Variants in KYNU observed in about 807,000 individuals in gnomAD.
The protein encoded by KYNU is kynureninase, also known as L-kynurenine hydrolase.
KYNU carries 54 observed loss-of-function variants against 59.2 expected under a neutral mutation model. The observed-to-expected ratio is 0.91, with a 90% CI of 0.73 to 1.14. KYNU has a LOEUF of 1.14. KYNU is among the 50% of genes most tolerant of loss of function. The pLI is 0.00. For missense variants in KYNU, 567 were observed against 554.4 expected (o/e 1.02, Z -0.23); for synonymous variants, 177 against 192.0 (o/e 0.92, Z 0.65).
chr2:142,968,095 G>A (rs1684604564), intron 8 of KYNU, among the ~76,000 whole-genome samples: 1 of 152,174 alleles, frequency 6.6e-6, no homozygotes, highest in Non-Finnish European at 1.5e-5. Flanking sequence ...GGATCTTAGT[G>A]TATAAGAAGA....
intron 4 of KYNU, among the ~76,000 whole-genome samples, chr2:142,946,413 T>C (rs879260355): frequency 6.6e-6 from 1 of 152,168 alleles, no homozygotes; most frequent in Non-Finnish European, 1.5e-5. Context: ...AAGTCAAAAT[T>C]ACTCCATGAT....
chr2:142,956,133 G>A, intron 5 of KYNU, 70 bp from the exon 6 acceptor site: 2 of 852,890 alleles, frequency 2.3e-6, no homozygotes, highest in East Asian at 2.5e-5. Context: ...TAAAATGATA[G>A]TGTGACATAA....
chr2:142,947,529 G>A (rs1683831933), intron 4 of KYNU: 1 of 202,874 alleles, frequency 4.9e-6, no homozygotes, highest in Admixed American at 5.4e-5. Flanking sequence ...CCTTGAATGG[G>A]CCCAAAACTT....
intron 2 of KYNU, among the ~76,000 whole-genome samples, chr2:142,897,547 A>T (rs77619379): frequency 0.026 from 4,024 of 152,288 alleles, 173 homozygotes; most frequent in Admixed American, 0.11. Context: ...AGATCCAAAT[A>T]ATCAAAGCAC....
chr2:142,943,236 C>T (rs930212953), intron 4 of KYNU, among the ~76,000 whole-genome samples: 1 of 152,112 alleles, frequency 6.6e-6, no homozygotes, highest in African/African-American at 2.4e-5. Flanking sequence ...ACTGTAACAC[C>T]AGGTTGTCTA....
intron 10 of KYNU, among the ~76,000 whole-genome samples, chr2:143,027,526 C>T (rs1686611261): frequency 6.6e-6 from 1 of 152,122 alleles, no homozygotes; most frequent in Non-Finnish European, 1.5e-5. Context: ...CTGCCTGTCC[C>T]TGCTCTGTAG....
Position 143,043,772 on chromosome 2 carries a change from T to A in KYNU, c.*1600T>A, listed in dbSNP as rs1325760397. On this transcript the variant is annotated 3_prime_UTR_variant, in exon 14 of 14. Transcript: ENST00000264170. ...CTTTATATATATTTATATTTATATA[T>A]TTATATATTTATATTTTAATATATT... The A allele has an allele frequency of 6.8e-6, 1 of 146,910 alleles. No homozygotes were observed. Among genetic ancestry groups the A allele is most frequent in the Non-Finnish European group, 1.5e-5 (1 of 66,884 alleles). 9.1% of individuals were successfully genotyped at this position (146,910 alleles called of 1,614,324 possible). A position where few individuals can be genotyped will look rare whatever the true frequency, so the allele number is the denominator to read the frequency against.
At chr2:142,975,835 A>G (rs1170575223) in intron 8 of KYNU, among the ~76,000 whole-genome samples, 1 of 152,152 alleles carries the variant, frequency 6.6e-6, no homozygotes. Context: ...CTACGTAAAC[A>G]TGTTTACTCT....
At chr2:142,901,740 C>T (rs1210431963) in intron 2 of KYNU, among the ~76,000 whole-genome samples, 2 of 152,018 alleles carry the variant, frequency 1.3e-5, no homozygotes, top group African/African-American at 4.8e-5. Context: ...TTAGTTCTGC[C>T]AGCCGAGAGC....
At chr2:143,019,101 C>G (rs1486454746) in intron 10 of KYNU, among the ~76,000 whole-genome samples, 1 of 152,092 alleles carries the variant, frequency 6.6e-6, no homozygotes, top group East Asian at 1.9e-4. Flanking sequence ...TTAACTTCTT[C>G]TTTTCCTGTC....
intron 2 of KYNU, among the ~76,000 whole-genome samples, chr2:142,889,100 G>T (rs1681616330): frequency 1.3e-5 from 2 of 151,816 alleles, no homozygotes; most frequent in South Asian, 4.2e-4. Context: ...ACCAACTCAG[G>T]AGCACATGAT....
At chr2:142,911,636 G>A (rs978765622) in intron 2 of KYNU, among the ~76,000 whole-genome samples, 6 of 152,082 alleles carry the variant, frequency 3.9e-5, no homozygotes, top group African/African-American at 1.4e-4. Flanking sequence ...TTCTTAAGGA[G>A]AATACCTCCA....
At chr2:142,908,230 T>A (rs935594249) in intron 2 of KYNU, among the ~76,000 whole-genome samples, 1 of 152,196 alleles carries the variant, frequency 6.6e-6, no homozygotes, top group Non-Finnish European at 1.5e-5. Context: ...ATTTTCTGTA[T>A]GTTTCATCTG....
intron 11 of KYNU, among the ~76,000 whole-genome samples, chr2:143,030,329 A>C (rs958252846): frequency 3.3e-5 from 5 of 152,176 alleles, no homozygotes; most frequent in Admixed American, 2.6e-4. Flanking sequence ...TACCATGCAG[A>C]GCTTCCTTTT....
chr2:142,965,475 C>G (rs1203793284), intron 8 of KYNU, among the ~76,000 whole-genome samples: 1 of 152,140 alleles, frequency 6.6e-6, no homozygotes, highest in Admixed American at 6.6e-5. Flanking sequence ...CACTCAGCAA[C>G]TCAATTATGT....
At chr2:142,884,534 A>G (rs1681422172) in intron 1 of KYNU, among the ~76,000 whole-genome samples, 1 of 152,142 alleles carries the variant, frequency 6.6e-6, no homozygotes, top group Non-Finnish European at 1.5e-5. Flanking sequence ...TGATGACATT[A>G]TATATATTTG....
intron 12 of KYNU, among the ~76,000 whole-genome samples, chr2:143,035,767 AT>A (rs1686877509): frequency 6.6e-6 from 1 of 151,828 alleles, no homozygotes; most frequent in African/African-American, 2.4e-5. Context: ...GATTATTATT[AT>A]TTATTTATTT....
intron 2 of KYNU, among the ~76,000 whole-genome samples, chr2:142,891,463 G>A (rs1398954015): frequency 6.6e-6 from 1 of 152,086 alleles, no homozygotes; most frequent in African/African-American, 2.4e-5. Context: ...ACACATCCAG[G>A]AGAGAGATCA....
chr2:142,974,617 A>G (rs1684832426), intron 8 of KYNU, among the ~76,000 whole-genome samples: 1 of 152,238 alleles, frequency 6.6e-6, no homozygotes, highest in African/African-American at 2.4e-5. Flanking sequence ...CCAAGGAGTA[A>G]CTGACTAGCT....
Sources: allele counts gnomAD v4.1 joint callset (sites outside exome capture counted in the v4.1 genomes callset), GRCh38; gene constraint gnomAD v4.1.1; transcripts MANE v1.5; gene names NCBI Gene and HGNC (gene_info 2026-07-23, HGNC 2026-07-21).